The following SDHC variants were observed in gnomAD, a reference collection of about 807,000 sequenced individuals.
The protein encoded by SDHC is succinate dehydrogenase complex subunit C.
Under a neutral mutation model 22.6 loss-of-function variants are expected in SDHC, and 11 were observed. That is an observed-to-expected ratio of 0.49 (90% CI 0.31 to 0.81). SDHC has a LOEUF of 0.81. Ranked by LOEUF, SDHC falls within the 30% of genes least tolerant of loss-of-function variation. The pLI, the probability that SDHC is intolerant of heterozygous loss-of-function variation, is 0.05. For synonymous variants in SDHC, 80 were observed against 77.8 expected, an observed-to-expected ratio of 1.03 and a Z score of -0.15; for missense variants, 160 against 212.0, an observed-to-expected ratio of 0.75 and a Z score of 1.52.
intron 4 of SDHC, among the ~76,000 whole-genome samples, chr1:161,344,900 A>G (rs1671842028): frequency 6.6e-6 from 1 of 152,186 alleles, no homozygotes; most frequent in Admixed American, 6.5e-5. Flanking sequence ...AAATTGGATC[A>G]TTTGTTCTGA....
At chr1:161,317,817 A>G (rs1051232443) in intron 1 of SDHC, among the ~76,000 whole-genome samples, 2 of 149,762 alleles carry the variant, frequency 1.3e-5, no homozygotes, top group Non-Finnish European at 3.0e-5. Context: ...TGAGCCAGGC[A>G]TCAGCCACCG....
In SDHC at chr1:161,314,442, T is replaced by C; in HGVS notation, c.20+17T>C. The C allele has an allele frequency of 6.2e-7, 1 of 1,613,504 alleles. No individual in the cohort carries two copies. Among genetic ancestry groups the C allele is most frequent in the Non-Finnish European group, 8.5e-7 (1 of 1,179,574 alleles). The stretch of plus-strand genomic sequence containing the variant: ...GTTGCTGAGGTGACTTCAGTGGGAC[T>C]GGGAGTTGGTGCCTGCGGCCCTCCG... On this transcript the variant is annotated intron_variant, in intron 1 of 5. Transcript: ENST00000367975.
intron 4 of SDHC, among the ~76,000 whole-genome samples, chr1:161,340,905 G>A (rs781490795): frequency 6.6e-5 from 10 of 152,066 alleles, no homozygotes; most frequent in Non-Finnish European, 1.2e-4. Flanking sequence ...GTGCAGTGGC[G>A]CGATCTCGGC....
chr1:161,322,975 T>C (rs1670892425), intron 1 of SDHC, among the ~76,000 whole-genome samples: 2 of 152,156 alleles, frequency 1.3e-5, no homozygotes. Context: ...CCCCGTCTCT[T>C]AGACATCACC....
intron 4 of SDHC, among the ~76,000 whole-genome samples, chr1:161,345,007 A>G (rs990951944): frequency 1.3e-5 from 2 of 152,194 alleles, no homozygotes; most frequent in Non-Finnish European, 2.9e-5. Context: ...TTGAAAATAA[A>G]TGGAATCATG....
chr1:161,340,471 C>CA (rs376116336), intron 3 of SDHC, 123 bp from the exon 4 acceptor site: 53,813 of 623,704 alleles, frequency 0.086, 19 homozygotes, highest in East Asian at 0.12. Flanking sequence ...GACTCTGTCT[C>CA]AAAAAAAAAA....
intron 5 of SDHC, 91 bp downstream of exon 5, chr1:161,356,931 T>TA: frequency 1.5e-6 from 2 of 1,352,268 alleles, no homozygotes; most frequent in Non-Finnish European, 2.1e-6. Flanking sequence ...TTAGTGCTGT[T>TA]CTTTTTTTTT....
At chr1:161,325,271 C>G (rs1671008207) in intron 2 of SDHC, among the ~76,000 whole-genome samples, 2 of 150,014 alleles carry the variant, frequency 1.3e-5, no homozygotes, top group Non-Finnish European at 3.0e-5. Context: ...ACTTTGGGAA[C>G]CTGAGGCAGG....
chr1:161,349,920 A>T (rs931983844), intron 4 of SDHC, among the ~76,000 whole-genome samples: 26 of 151,902 alleles, frequency 1.7e-4, no homozygotes, highest in African/African-American at 6.0e-4. Context: ...GTTTAAAAAA[A>T]TTTTTTTGAG....
intron 3 of SDHC, among the ~76,000 whole-genome samples, chr1:161,333,380 A>G (rs1671353808): frequency 6.7e-6 from 1 of 149,924 alleles, no homozygotes; most frequent in Admixed American, 6.7e-5. Context: ...TTATTGCATC[A>G]TATGGTAACT....
chr1:161,351,057 G>A (rs1382689961), intron 4 of SDHC, among the ~76,000 whole-genome samples: 1 of 152,184 alleles, frequency 6.6e-6, no homozygotes, highest in Non-Finnish European at 1.5e-5. Flanking sequence ...CCAAAGGAGA[G>A]AGGCATTGAA....
intron 3 of SDHC, among the ~76,000 whole-genome samples, chr1:161,334,212 C>G (rs142405232): frequency 3.7e-4 from 57 of 152,258 alleles, no homozygotes; most frequent in African/African-American, 1.3e-3. Context: ...GCCCTCCTTC[C>G]TCCATCTTCA....
chr1:161,348,784 G>A (rs1671996268), intron 4 of SDHC, among the ~76,000 whole-genome samples: 1 of 151,924 alleles, frequency 6.6e-6, no homozygotes, highest in South Asian at 2.1e-4. Context: ...GTTGCAGTGA[G>A]CTAGGATCGC....
chr1:161,357,687 C>T (rs1425608612), intron 5 of SDHC, among the ~76,000 whole-genome samples: 1 of 152,198 alleles, frequency 6.6e-6, no homozygotes, highest in Non-Finnish European at 1.5e-5. Flanking sequence ...ACGTGAGCCA[C>T]TGTGCCCTGC....
At chr1:161,316,097 T>C (rs371667439) in intron 1 of SDHC, among the ~76,000 whole-genome samples, 1 of 152,148 alleles carries the variant, frequency 6.6e-6, no homozygotes. Context: ...TCTCAGTAGA[T>C]GGAATATACA....
At chr1:161,345,899 A>G (rs906568495) in intron 4 of SDHC, among the ~76,000 whole-genome samples, 2 of 151,428 alleles carry the variant, frequency 1.3e-5, no homozygotes, top group African/African-American at 4.9e-5. Flanking sequence ...TCTGCCTCCA[A>G]GGTTCAAGCA....
At chr1:161,335,647 T>A (rs745845173) in intron 3 of SDHC, among the ~76,000 whole-genome samples, 82 of 152,174 alleles carry the variant, frequency 5.4e-4, no homozygotes, top group Non-Finnish European at 9.6e-4. Flanking sequence ...ATAGGAGTTC[T>A]TCAAAATGAC....
At chr1:161,326,361 G>C (rs1571847918) in intron 2 of SDHC, among the ~76,000 whole-genome samples, 1 of 151,998 alleles carries the variant, frequency 6.6e-6, no homozygotes, top group African/African-American at 2.4e-5. Context: ...CGGAAAAGGG[G>C]TCTTGACCCA....
chr1:161,332,679 C>T (rs909131139), intron 3 of SDHC, among the ~76,000 whole-genome samples: 9 of 150,322 alleles, frequency 6.0e-5, no homozygotes, highest in African/African-American at 2.0e-4. Flanking sequence ...GTTGCCCAGG[C>T]TGGAGTACAG....
Sources: allele counts gnomAD v4.1 joint callset (sites outside exome capture counted in the v4.1 genomes callset), GRCh38; gene constraint gnomAD v4.1.1; transcripts MANE v1.5; gene names NCBI Gene and HGNC (gene_info 2026-07-23, HGNC 2026-07-21).